LRP1B: variants seen among roughly 807,000 people sequenced by gnomAD.
LRP1B encodes the protein LDL receptor related protein 1B, also known as low-density lipoprotein receptor-related protein 1B.
Under a neutral mutation model 556.6 loss-of-function variants are expected in LRP1B, and 217 were observed. The observed-to-expected ratio is 0.39, with a 90% confidence interval of 0.35 to 0.44. The LOEUF (loss-of-function observed/expected upper bound fraction) is 0.44. Ranked by LOEUF, LRP1B falls within the 20% of genes least tolerant of loss-of-function variation. The pLI is 1.00. For synonymous variants in LRP1B, 2,047 were observed against 1,865.8 expected (o/e 1.10, Z -2.50); for missense variants, 5,053 against 5,620.8 (o/e 0.90, Z 3.23).
At chr2:141,656,747 T>A (rs970768403) in intron 2 of LRP1B, among the ~76,000 whole-genome samples, 2 of 152,160 alleles carry the variant, frequency 1.3e-5, no homozygotes, top group African/African-American at 4.8e-5. Flanking sequence ...GAACATTTCA[T>A]ATATATGTAT....
chr2:140,701,909 T>C, intron 39 of LRP1B, 64 bp from the exon 40 acceptor site: 1 of 1,595,234 alleles, frequency 6.3e-7, no homozygotes, highest in Non-Finnish European at 8.6e-7. Context: ...GCCAGTTACT[T>C]AAGCTGAAGA....
rs1257787783 is a variant in LRP1B at position 140,618,055 on chromosome 2, CATTT to C, written c.6800-16420_6800-16417del. 3.9e-5 allele frequency among the ~76,000 whole-genome samples: 6 copies of C among 152,022 alleles called. No individual in the cohort carries two copies. In the East Asian group the frequency reaches 1.2e-3, roughly 29 times the overall value. ...TCTGACATCATACACTAATTTTAAA[CATTT>C]ATTTCCCAACTTTGTTAAAATTTAC... is the stretch of plus-strand genomic sequence containing the variant. On this transcript the variant is annotated intron_variant, in intron 41 of 90. Transcript: ENST00000389484.
intron 11 of LRP1B, among the ~76,000 whole-genome samples, chr2:141,025,578 C>T (rs547070981): frequency 6.6e-6 from 1 of 152,106 alleles, no homozygotes; most frequent in South Asian, 2.1e-4. Context: ...ATTGGGATCC[C>T]CTGAGAAGGA....
chr2:141,207,282 A>G (rs1304041031), intron 6 of LRP1B, among the ~76,000 whole-genome samples: 2 of 152,236 alleles, frequency 1.3e-5, no homozygotes, highest in African/African-American at 2.4e-5. Flanking sequence ...CTCAGACACT[A>G]TGAATATTCT....
rs557872757 is a variant in LRP1B, at chr2:141,273,035, G to A, written c.344-18394C>T. 8.5e-5 allele frequency among the ~76,000 whole-genome samples: 13 copies of A among 152,226 alleles called. No homozygotes were observed. In the South Asian group the frequency reaches 2.1e-3, roughly 24 times the overall value. On this transcript the variant is annotated intron_variant, in intron 3 of 90. Coordinates refer to ENST00000389484, the MANE Select transcript of LRP1B (RefSeq NM_018557.3). ...ACCTATTGCAACACTTATGCCAGGC[G>A]GGGTGGCTCACGCCTGTAATCCCAG... is the stretch of plus-strand genomic sequence containing the variant.
chr2:141,295,301 G>A (rs1686138817), intron 3 of LRP1B, among the ~76,000 whole-genome samples: 1 of 151,984 alleles, frequency 6.6e-6, no homozygotes, highest in South Asian at 2.1e-4. Context: ...TTCTAAAAAT[G>A]CTCAGTTTTG....
intron 1 of LRP1B, among the ~76,000 whole-genome samples, chr2:142,058,901 G>A (rs1039915714): frequency 2.0e-5 from 3 of 151,862 alleles, no homozygotes; most frequent in African/African-American, 7.3e-5. Flanking sequence ...GTGTAACTTC[G>A]AGAAAGTTAT....
At chr2:141,315,441 A>G (rs1686992013) in intron 3 of LRP1B, among the ~76,000 whole-genome samples, 1 of 151,284 alleles carries the variant, frequency 6.6e-6, no homozygotes, top group South Asian at 2.1e-4. Context: ...TTGTATTTTT[A>G]GTAGAGACAG....
chr2:141,056,064 G>C (rs1164299676), intron 9 of LRP1B, among the ~76,000 whole-genome samples: 1 of 151,732 alleles, frequency 6.6e-6, no homozygotes, highest in Non-Finnish European at 1.5e-5. Flanking sequence ...GTTTGAAATG[G>C]TGATGAATAT....
intron 2 of LRP1B, among the ~76,000 whole-genome samples, chr2:141,690,289 C>T (rs780078246): frequency 3.3e-5 from 5 of 149,506 alleles, no homozygotes; most frequent in Non-Finnish European, 7.4e-5. Context: ...AATTATGTTC[C>T]TTTGAATTTT....
intron 41 of LRP1B, among the ~76,000 whole-genome samples, chr2:140,697,567 A>G (rs1686476488): frequency 6.6e-6 from 1 of 152,158 alleles, no homozygotes; most frequent in Admixed American, 6.6e-5. Context: ...CTGGATAAAA[A>G]TATGTGGTAT....
At chr2:141,579,398 T>C (rs1278434108) in intron 2 of LRP1B, among the ~76,000 whole-genome samples, 1 of 152,134 alleles carries the variant, frequency 6.6e-6, no homozygotes, top group Non-Finnish European at 1.5e-5. Context: ...ATTTTAAATA[T>C]TTAAAAAGAA....
At chr2:141,463,640 T>G (rs559446959) in intron 3 of LRP1B, among the ~76,000 whole-genome samples, 4 of 124,764 alleles carry the variant, frequency 3.2e-5, no homozygotes, top group Non-Finnish European at 6.3e-5. Context: ...TATTATATAT[T>G]ATATATTATA....
chr2:141,285,098 ATTT>A (rs543994866), intron 3 of LRP1B, among the ~76,000 whole-genome samples: 2 of 135,670 alleles, frequency 1.5e-5, no homozygotes, highest in Non-Finnish European at 1.6e-5. Flanking sequence ...CCCATATTTC[ATTT>A]TTTTTTTTTT....
chr2:141,039,315 A>C (rs1698629361), intron 11 of LRP1B, among the ~76,000 whole-genome samples: 1 of 151,862 alleles, frequency 6.6e-6, no homozygotes, highest in South Asian at 2.1e-4. Context: ...TGTTGTTATA[A>C]TTGTTCTATT....
At chr2:140,417,300 A>T (rs1448232214) in intron 66 of LRP1B, among the ~76,000 whole-genome samples, 1 of 152,220 alleles carries the variant, frequency 6.6e-6, no homozygotes, top group African/African-American at 2.4e-5. Context: ...GCCTGCTACT[A>T]TGGATGTTTG....
At chr2:141,648,731 G>T (rs966217000) in intron 2 of LRP1B, among the ~76,000 whole-genome samples, 3 of 152,200 alleles carry the variant, frequency 2.0e-5, no homozygotes, top group African/African-American at 7.2e-5. Context: ...ACAGGTAGGT[G>T]TGAAAGACAG....
intron 2 of LRP1B, 49 bp downstream of exon 2, chr2:141,810,230 G>C (rs374121170): frequency 6.3e-7 from 1 of 1,583,256 alleles, no homozygotes; most frequent in Non-Finnish European, 8.6e-7. Flanking sequence ...CTGACATTTA[G>C]TTTCACATGT....
chr2:141,754,142 T>G (rs1694238329), intron 2 of LRP1B, among the ~76,000 whole-genome samples: 1 of 152,176 alleles, frequency 6.6e-6, no homozygotes, highest in African/African-American at 2.4e-5. Flanking sequence ...AATAAGAAAC[T>G]TAATTCATAA....
Sources: allele counts gnomAD v4.1 joint callset (sites outside exome capture counted in the v4.1 genomes callset), GRCh38; gene constraint gnomAD v4.1.1; transcripts MANE v1.5; gene names NCBI Gene and HGNC (gene_info 2026-07-23, HGNC 2026-07-21).